Variants in PHLPP1 observed in about 807,000 individuals in gnomAD.
The protein encoded by PHLPP1 is PH domain and leucine rich repeat protein phosphatase 1, also known as PH domain leucine-rich repeat-containing protein phosphatase 1.
Under a neutral mutation model 117.2 loss-of-function variants are expected in PHLPP1, and 42 were observed. The ratio of observed to expected loss-of-function variants is 0.36; its 90% CI spans 0.28 to 0.46. The LOEUF (loss-of-function observed/expected upper bound fraction) is 0.46, where lower values mean the gene tolerates loss of function less well. Among genes scored for constraint, PHLPP1 ranks in the 20% least tolerant of loss-of-function variants. PHLPP1 has a pLI of 1.00. For synonymous variants in PHLPP1, 1,042 were observed against 970.7 expected, an observed-to-expected ratio of 1.07 and a Z score of -1.37; for missense variants, 2,084 against 2,241.9, an observed-to-expected ratio of 0.93 and a Z score of 1.42.
chr18:62,748,582 A>G (rs866258482), intron 1 of PHLPP1, among the ~76,000 whole-genome samples: 3 of 152,260 alleles, frequency 2.0e-5, no homozygotes, highest in Middle Eastern at 3.4e-3. Flanking sequence ...TGTTGGTGGA[A>G]TCTTTTTCTC....
intron 1 of PHLPP1, among the ~76,000 whole-genome samples, chr18:62,787,644 AT>A (rs1913333069): frequency 6.6e-6 from 1 of 152,174 alleles, no homozygotes; most frequent in Admixed American, 6.5e-5. Flanking sequence ...CTATTTTGGT[AT>A]TTTTATTAAT....
At chr18:62,944,893 CT>C (rs1178796980) in intron 11 of PHLPP1, among the ~76,000 whole-genome samples, 1 of 152,086 alleles carries the variant, frequency 6.6e-6, no homozygotes, top group African/African-American at 2.4e-5. Context: ...CATTTTCCTT[CT>C]TGTTGACAAT....
chr18:62,891,725 A>AC (rs1302286735), intron 4 of PHLPP1, among the ~76,000 whole-genome samples: 1 of 86,604 alleles, frequency 1.2e-5, no homozygotes, highest in African/African-American at 4.3e-5. Flanking sequence ...CTTCGTCTCT[A>AC]CAAAAAAAAA....
chr18:62,859,260 A>T (rs750271176), intron 3 of PHLPP1, among the ~76,000 whole-genome samples: 14 of 152,224 alleles, frequency 9.2e-5, no homozygotes, highest in Non-Finnish European at 1.6e-4. Flanking sequence ...GGCTGAAGCC[A>T]TGTGCTTTAG....
At chr18:62,943,322 A>G (rs780043135) in intron 11 of PHLPP1, among the ~76,000 whole-genome samples, 1 of 152,300 alleles carries the variant, frequency 6.6e-6, no homozygotes, top group Middle Eastern at 3.4e-3. Context: ...TCAGCCTCAT[A>G]TCTCACACAA....
chr18:62,804,329 G>A (rs1913876102), intron 1 of PHLPP1, among the ~76,000 whole-genome samples: 2 of 152,226 alleles, frequency 1.3e-5, no homozygotes, highest in African/African-American at 4.8e-5. Flanking sequence ...TTTGGGTGGG[G>A]AAACAGAGTC....
At chr18:62,780,867 A>G (rs1436730905) in intron 1 of PHLPP1, among the ~76,000 whole-genome samples, 1 of 152,200 alleles carries the variant, frequency 6.6e-6, no homozygotes, top group Non-Finnish European at 1.5e-5. Context: ...CTCATGCTAT[A>G]TGATACCTCA....
intron 11 of PHLPP1, among the ~76,000 whole-genome samples, chr18:62,944,028 ATCT>A (rs1255849035): frequency 4.6e-5 from 7 of 152,308 alleles, no homozygotes; most frequent in African/African-American, 1.7e-4. Context: ...AAACAAGATA[ATCT>A]TTATATTTGA....
intron 6 of PHLPP1, among the ~76,000 whole-genome samples, chr18:62,897,899 A>AT (rs967474572): frequency 6.6e-6 from 1 of 151,464 alleles, no homozygotes. Context: ...CTTTTATTCA[A>AT]TTTTTTTTCC....
chr18:62,934,933 TG>T (rs1909926763), intron 10 of PHLPP1, among the ~76,000 whole-genome samples: 2 of 152,220 alleles, frequency 1.3e-5, no homozygotes, highest in Admixed American at 1.3e-4. Flanking sequence ...AATTTCTTAA[TG>T]GGGAAACCCC....
chr18:62,796,504 C>CAA (rs1455124134), intron 1 of PHLPP1, among the ~76,000 whole-genome samples: 1 of 152,208 alleles, frequency 6.6e-6, no homozygotes, highest in Admixed American at 6.5e-5. Flanking sequence ...ATAACTTTAA[C>CAA]CTTCATTCCT....
chr18:62,902,125 A>G (rs1001659711), intron 6 of PHLPP1, among the ~76,000 whole-genome samples: 13 of 152,102 alleles, frequency 8.5e-5, no homozygotes, highest in African/African-American at 3.1e-4. Context: ...CCCCATTACT[A>G]CTTATTTTCT....
intron 1 of PHLPP1, among the ~76,000 whole-genome samples, chr18:62,739,593 C>A (rs1231008031): frequency 6.6e-6 from 1 of 151,574 alleles, no homozygotes; most frequent in Non-Finnish European, 1.5e-5. Flanking sequence ...GTATTTCTAT[C>A]CTGAAGGGAG....
chr18:62,897,936 T>C (rs1285728603), intron 6 of PHLPP1, among the ~76,000 whole-genome samples: 1 of 152,022 alleles, frequency 6.6e-6, no homozygotes, highest in Non-Finnish European at 1.5e-5. Context: ...TACATCAGAT[T>C]GATTATTTTT....
At chr18:62,936,890 C>T (rs1480755563) in intron 10 of PHLPP1, among the ~76,000 whole-genome samples, 1 of 152,096 alleles carries the variant, frequency 6.6e-6, no homozygotes, top group Non-Finnish European at 1.5e-5. Context: ...TAAAAACAAG[C>T]AATAATAAGA....
At chr18:62,816,594 AAAG>A (rs920689383) in intron 1 of PHLPP1, among the ~76,000 whole-genome samples, 1 of 152,150 alleles carries the variant, frequency 6.6e-6, no homozygotes, top group Admixed American at 6.5e-5. Context: ...TAATAAAAAA[AAAG>A]AAGTTTGTTT....
In PHLPP1 at chr18:62,891,726, C is replaced by CAA. The variant is rs140328581; in HGVS notation, c.2067-3269_2067-3268dup. Among the ~76,000 whole-genome samples, 328 of 123,046 alleles carry CAA rather than the reference C, an allele frequency of 2.7e-3. 2 individuals are homozygous for CAA. The highest frequency in any genetic ancestry group is 4.0e-3 in the Middle Eastern group (1 of 250). 80.7% of individuals were successfully genotyped at this position (123,046 alleles called of 152,430 possible). On this transcript the variant is annotated intron_variant, in intron 4 of 16. Coordinates refer to ENST00000262719, the MANE Select transcript of PHLPP1 (RefSeq NM_194449.4). ...GCAAAATGGCAAAACTTCGTCTCTA[C>CAA]AAAAAAAAAAAAAAAAATTAGCTGG...
At chr18:62,806,156 T>C (rs1222353386) in intron 1 of PHLPP1, among the ~76,000 whole-genome samples, 1 of 152,138 alleles carries the variant, frequency 6.6e-6, no homozygotes, top group Non-Finnish European at 1.5e-5. Context: ...TATCTTTATT[T>C]GGAACACAGG....
chr18:62,729,821 A>G (rs73465054), intron 1 of PHLPP1, among the ~76,000 whole-genome samples: 8,505 of 152,304 alleles, frequency 0.056, 806 homozygotes, highest in African/African-American at 0.19. Context: ...GCTTCAGCAC[A>G]ATTGTATCCT....
Sources: allele counts gnomAD v4.1 joint callset (sites outside exome capture counted in the v4.1 genomes callset), GRCh38; gene constraint gnomAD v4.1.1; transcripts MANE v1.5; gene names NCBI Gene and HGNC (gene_info 2026-07-23, HGNC 2026-07-21).